The following NAALADL2 variants were observed in gnomAD, a reference collection of about 807,000 sequenced individuals.
NAALADL2 encodes inactive N-acetylated-alpha-linked acidic dipeptidase-like protein 2.
A neutral mutation model predicts 87.2 loss-of-function variants in NAALADL2; 76 were observed. The ratio of observed to expected loss-of-function variants is 0.87; its 90% CI spans 0.72 to 1.05. NAALADL2 has a LOEUF of 1.05. Among genes scored for constraint, NAALADL2 ranks in the 50% least tolerant of loss-of-function variants. The probability of loss-of-function intolerance (pLI) is 0.00; values close to 1 mark genes in which losing one functional copy is unlikely to be tolerated. For missense variants in NAALADL2, 1,089 were observed against 945.8 expected (o/e 1.15, Z -1.99); for synonymous variants, 354 against 331.0 (o/e 1.07, Z -0.75).
At chr3:174,512,150 G>A (rs1001534070) in intron 1 of NAALADL2, among the ~76,000 whole-genome samples, 2 of 152,074 alleles carry the variant, frequency 1.3e-5, no homozygotes, top group African/African-American at 4.8e-5. Flanking sequence ...CATTTCTGAT[G>A]TAGTAGCAAT....
At chr3:174,580,338 G>A (rs1448088663) in intron 2 of NAALADL2, among the ~76,000 whole-genome samples, 2 of 152,002 alleles carry the variant, frequency 1.3e-5, no homozygotes, top group Admixed American at 1.3e-4. Context: ...TTCAAAGTGA[G>A]AAACAAACGT....
intron 3 of NAALADL2, among the ~76,000 whole-genome samples, chr3:175,256,062 A>G (rs1749882984): frequency 6.6e-6 from 1 of 152,254 alleles, no homozygotes; most frequent in Non-Finnish European, 1.5e-5. Flanking sequence ...TTGAACCTTA[A>G]GGAAATTAAT....
chr3:175,398,344 C>CTTTTGTTTTT (rs71920464), intron 5 of NAALADL2, among the ~76,000 whole-genome samples: 1 of 112,090 alleles, frequency 8.9e-6, no homozygotes, highest in Non-Finnish European at 1.8e-5. Context: ...GCTTCTGCTA[C>CTTTTGTTTTT]TTTTTTTTTT....
intron 2 of NAALADL2, among the ~76,000 whole-genome samples, chr3:174,571,213 A>G (rs1200475735): frequency 6.6e-6 from 1 of 152,160 alleles, no homozygotes; most frequent in Non-Finnish European, 1.5e-5. Context: ...AAGTGAAACA[A>G]CTTGTTAATA....
At chr3:174,510,759 C>CT (rs1029485518) in intron 1 of NAALADL2, among the ~76,000 whole-genome samples, 11 of 150,934 alleles carry the variant, frequency 7.3e-5, no homozygotes, top group Admixed American at 1.3e-4. Flanking sequence ...AATTTTTTTA[C>CT]TTTTTTTTAA....
At chr3:175,289,859 T>A (rs1020929429) in intron 4 of NAALADL2, among the ~76,000 whole-genome samples, 3 of 152,054 alleles carry the variant, frequency 2.0e-5, no homozygotes, top group East Asian at 3.9e-4. Flanking sequence ...ATTCTCAATA[T>A]ATAACTCTAA....
Position 175,667,265 on chromosome 3 carries a change from GGA to G in NAALADL2, c.1896+39880_1896+39881del, listed in dbSNP as rs199708883. Among the ~76,000 whole-genome samples the G allele has an allele frequency of 2.2e-3, 316 of 144,962 alleles. 2 individuals are homozygous for G. The highest frequency in any genetic ancestry group is 8.4e-3 in the African/African-American group (297 of 35,158). On this transcript the variant is annotated intron_variant, in intron 11 of 13. Coordinates refer to ENST00000454872, the MANE Select transcript of NAALADL2 (RefSeq NM_207015.3). ...AAAAAGAAAGAAAGAAAGAAAGAAA[GGA>G]AGGAAGGGATGGGGATCTGAAGGGG...
intron 11 of NAALADL2, among the ~76,000 whole-genome samples, chr3:175,673,540 T>C (rs1289461920): frequency 7.1e-6 from 1 of 141,704 alleles, no homozygotes; most frequent in Admixed American, 6.7e-5. Context: ...TTTTTTTGTA[T>C]TTTTTGTGTG....
intron 1 of NAALADL2, among the ~76,000 whole-genome samples, chr3:174,509,399 T>C (rs13082031): frequency 0.5 from 55,601 of 111,630 alleles, 11,751 homozygotes; most frequent in East Asian, 0.81. Flanking sequence ...TCTCTTCCTT[T>C]CTTTCTTTTT....
intron 2 of NAALADL2, among the ~76,000 whole-genome samples, chr3:175,132,656 G>A (rs1280823255): frequency 1.6e-5 from 2 of 125,368 alleles, no homozygotes; most frequent in Admixed American, 1.5e-4. Context: ...GCCGGGCGGG[G>A]GGCTGACCCC....
intron 1 of NAALADL2, among the ~76,000 whole-genome samples, chr3:174,540,940 C>G (rs766815399): frequency 2.4e-4 from 36 of 152,030 alleles, no homozygotes; most frequent in Non-Finnish European, 3.5e-4. Context: ...AACTATGTAC[C>G]TTTTGCCATA....
chr3:174,623,031 A>G (rs1721189367), intron 2 of NAALADL2, among the ~76,000 whole-genome samples: 3 of 152,128 alleles, frequency 2.0e-5, no homozygotes. Flanking sequence ...CGACAGAGTG[A>G]GACTCCGTCT....
chr3:175,040,069 T>A (rs1490888547), intron 1 of NAALADL2, among the ~76,000 whole-genome samples: 2 of 152,122 alleles, frequency 1.3e-5, no homozygotes, highest in African/African-American at 4.8e-5. Flanking sequence ...AGCCAAGATC[T>A]CTCTTACAAG....
At chr3:174,675,246 A>G (rs965813329) in intron 2 of NAALADL2, among the ~76,000 whole-genome samples, 12 of 152,026 alleles carry the variant, frequency 7.9e-5, no homozygotes, top group African/African-American at 2.4e-4. Flanking sequence ...CTTTGAGATT[A>G]TTCCTAGTTT....
intron 2 of NAALADL2, among the ~76,000 whole-genome samples, chr3:174,566,581 C>G (rs771042150): frequency 2.0e-5 from 3 of 151,636 alleles, no homozygotes; most frequent in Non-Finnish European, 4.4e-5. Context: ...CACTCCACTT[C>G]TCGTTCTCTG....
At position 175,771,003 on chromosome 3, in the gene NAALADL2, A is replaced by G. The variant is rs1439218478; in HGVS notation, c.2189+15585A>G. ...ATGCCATCTTTTTTCCTGAAATAGA[A>G]TATCACATGGGTGAATAGAAAGTCA... On this transcript the variant is annotated intron_variant, in intron 13 of 13. Transcript: ENST00000454872. 2.0e-5 allele frequency among the ~76,000 whole-genome samples: 3 copies of G among 152,236 alleles called. No homozygotes were observed. In the South Asian group the frequency reaches 6.2e-4, roughly 32 times the overall value.
Position 175,803,042 on chromosome 3 carries a change from T to C in NAALADL2, c.2227T>C (p.Phe743Leu). ...CCACCTTGATGAAAAGACAAGCCGG[T>C]TTTCAATACTTATAGAGGCTTGGGA... ...LYHLDEKTSR[F>L]SILIEAWEHC... Residue 743 changes from phenylalanine to leucine, a missense_variant, in exon 14 of 14, where the codon TTT (phenylalanine) becomes CTT (leucine). By Grantham distance (22) the Phe-to-Leu change is conservative. Transcript: ENST00000454872. 1 of 1,612,252 alleles carries C rather than the reference T, an allele frequency of 6.2e-7. No homozygotes were observed. The highest frequency in any genetic ancestry group is 8.5e-7 in the Non-Finnish European group (1 of 1,178,882).
intron 2 of NAALADL2, among the ~76,000 whole-genome samples, chr3:175,105,624 T>C (rs890475619): frequency 2.7e-5 from 4 of 146,006 alleles, no homozygotes; most frequent in African/African-American, 1.0e-4. Flanking sequence ...TTAAGCAAGA[T>C]ATTTGAGAAT....
At chr3:175,702,355 C>T (rs1273414274) in intron 11 of NAALADL2, among the ~76,000 whole-genome samples, 1 of 151,978 alleles carries the variant, frequency 6.6e-6, no homozygotes, top group Non-Finnish European at 1.5e-5. Flanking sequence ...ACAGGTTCTT[C>T]TTCAAAAGTA....
Sources: gnomAD v4.1 joint callset for allele counts (sites outside exome capture counted in the v4.1 genomes callset) on GRCh38, gnomAD v4.1.1 for gene constraint, MANE v1.5 for transcripts, NCBI Gene and HGNC (gene_info 2026-07-23, HGNC 2026-07-21) for gene names.